Variants in MARCHF1 observed in about 807,000 individuals in gnomAD.
MARCHF1 encodes E3 ubiquitin-protein ligase MARCHF1.
A neutral mutation model predicts 54.2 loss-of-function variants in MARCHF1; 40 were observed. The observed-to-expected ratio is 0.74, with a 90% confidence interval of 0.57 to 0.96. The LOEUF (loss-of-function observed/expected upper bound fraction) is 0.96. Among genes scored for constraint, MARCHF1 ranks in the 40% least tolerant of loss-of-function variants. MARCHF1 has a pLI of 0.00. For synonymous variants in MARCHF1, 236 were observed against 236.3 expected (o/e 1.00, Z 0.01); for missense variants, 586 against 656.5 (o/e 0.89, Z 1.17).
chr4:164,107,131 A>G (rs1021256681), intron 2 of MARCHF1, among the ~76,000 whole-genome samples: 14 of 152,190 alleles, frequency 9.2e-5, no homozygotes, highest in Non-Finnish European at 5.9e-5. Context: ...CTAAAATGCT[A>G]TAACTCTCTC....
chr4:164,031,626 A>T (rs562893562), intron 2 of MARCHF1, among the ~76,000 whole-genome samples: 2 of 152,070 alleles, frequency 1.3e-5, no homozygotes, highest in South Asian at 2.1e-4. Flanking sequence ...TATGTGACGG[A>T]TTATGTCTAT....
At chr4:164,189,165 G>T in intron 1 of MARCHF1, 1 of 578,614 alleles carries the variant, frequency 1.7e-6, no homozygotes, top group South Asian at 1.9e-5. Flanking sequence ...AGCGTGTCAT[G>T]GAACATTTCA....
At chr4:163,558,090 T>A (rs1300299781) in intron 8 of MARCHF1, among the ~76,000 whole-genome samples, 1 of 152,136 alleles carries the variant, frequency 6.6e-6, no homozygotes, top group Non-Finnish European at 1.5e-5. Context: ...TAGAGATTTG[T>A]CTGAAGAAAC....
chr4:163,847,192 CAAAAG>C (rs1210811081), intron 4 of MARCHF1, among the ~76,000 whole-genome samples: 4 of 152,108 alleles, frequency 2.6e-5, no homozygotes, highest in African/African-American at 9.7e-5. Flanking sequence ...TTCTAAAAGT[CAAAAG>C]AAAAGTATAT....
At chr4:163,562,254 G>T (rs1373130895) in intron 8 of MARCHF1, among the ~76,000 whole-genome samples, 2 of 151,966 alleles carry the variant, frequency 1.3e-5, no homozygotes, top group African/African-American at 4.8e-5. Flanking sequence ...CAGAGATCGC[G>T]CCACTGCACT....
intron 3 of MARCHF1, among the ~76,000 whole-genome samples, chr4:163,959,704 T>C (rs992977618): frequency 6.6e-6 from 1 of 151,894 alleles, no homozygotes; most frequent in African/African-American, 2.4e-5. Flanking sequence ...TCTAAAAATA[T>C]AAAAACCTTG....
chr4:163,691,683 A>G (rs1404296672), intron 5 of MARCHF1, among the ~76,000 whole-genome samples: 2 of 152,158 alleles, frequency 1.3e-5, no homozygotes, highest in Non-Finnish European at 2.9e-5. Flanking sequence ...TAAGTTTCCT[A>G]CAAACTGTAA....
At chr4:163,843,539 T>C (rs1749399187) in intron 4 of MARCHF1, among the ~76,000 whole-genome samples, 1 of 150,644 alleles carries the variant, frequency 6.6e-6, no homozygotes, top group Non-Finnish European at 1.5e-5. Context: ...TTTTTTTTAA[T>C]TATTATTTTT....
intron 2 of MARCHF1, among the ~76,000 whole-genome samples, chr4:164,063,972 T>C (rs867658325): frequency 8.5e-5 from 13 of 152,120 alleles, no homozygotes; most frequent in Admixed American, 2.6e-4. Context: ...GATAGTTGTA[T>C]GTGTGTGGTC....
At chr4:164,241,795 C>A (rs963510601) in intron 1 of MARCHF1, among the ~76,000 whole-genome samples, 3 of 152,140 alleles carry the variant, frequency 2.0e-5, no homozygotes, top group East Asian at 1.9e-4. Context: ...CGAAGCAGGG[C>A]GAGGCATTGC....
At chr4:163,833,466 C>T (rs1749089158) in intron 4 of MARCHF1, among the ~76,000 whole-genome samples, 1 of 152,200 alleles carries the variant, frequency 6.6e-6, no homozygotes, top group African/African-American at 2.4e-5. Flanking sequence ...GCAACCTACT[C>T]ATCTGACAAA....
At chr4:163,885,991 A>G (rs954324914) in intron 3 of MARCHF1, among the ~76,000 whole-genome samples, 22 of 147,120 alleles carry the variant, frequency 1.5e-4, no homozygotes, top group Admixed American at 1.2e-3. Flanking sequence ...AGATAAATAG[A>G]TACTACAGGA....
At chr4:164,373,151 A>G (rs1561023796) in intron 1 of MARCHF1, among the ~76,000 whole-genome samples, 1 of 152,128 alleles carries the variant, frequency 6.6e-6, no homozygotes, top group African/African-American at 2.4e-5. Flanking sequence ...AGAAAATACT[A>G]TCATCTGCAT....
At chr4:163,835,645 T>G (rs1346050087) in intron 4 of MARCHF1, among the ~76,000 whole-genome samples, 1 of 152,226 alleles carries the variant, frequency 6.6e-6, no homozygotes, top group East Asian at 1.9e-4. Context: ...GTGCTGCAAT[T>G]TCAGAGTTTA....
chr4:164,122,811 C>T lies in MARCHF1; in HGVS notation c.-322-11149G>A, dbSNP rs564598513. Among the ~76,000 whole-genome samples the T allele has an allele frequency of 7.2e-5, 11 of 152,092 alleles. 1 individual carries two copies. The highest frequency in any genetic ancestry group is 1.5e-5 in the Non-Finnish European group (1 of 68,010). On this transcript the variant is annotated intron_variant, in intron 1 of 9. Coordinates refer to ENST00000514618, the MANE Select transcript of MARCHF1 (RefSeq NM_001394959.1). ...AGACAACATAGCCTCTTCAACAGAC[C>T]TACAGCAAGTATCGTACTGAGTAGT... is the stretch of plus-strand genomic sequence containing the variant.
intron 4 of MARCHF1, among the ~76,000 whole-genome samples, chr4:163,709,124 T>C (rs1745032625): frequency 6.6e-6 from 1 of 152,170 alleles, no homozygotes; most frequent in African/African-American, 2.4e-5. Context: ...AGATGTATGT[T>C]TGACTGAGCA....
At chr4:164,301,661 A>G (rs756583335) in intron 1 of MARCHF1, among the ~76,000 whole-genome samples, 10 of 152,198 alleles carry the variant, frequency 6.6e-5, no homozygotes, top group Non-Finnish European at 1.2e-4. Flanking sequence ...AATTTATTGA[A>G]TTCATATATT....
At chr4:163,816,028 G>A (rs931909336) in intron 4 of MARCHF1, among the ~76,000 whole-genome samples, 2 of 152,058 alleles carry the variant, frequency 1.3e-5, no homozygotes, top group Admixed American at 1.3e-4. Context: ...TTGTTTCTAT[G>A]GGTTACCAGA....
At position 163,831,885 on chromosome 4, in the gene MARCHF1, G is replaced by A. The variant is rs116782623; in HGVS notation, c.111+22136C>T. On this transcript the variant is annotated intron_variant, in intron 4 of 9. Transcript: ENST00000514618. ...CATGACTAGTGGATAGGGAGCTTGAGTGAGAAGGTCCTCATACATGCACCA... is the reference window on the plus strand; with the variant it reads ...CATGACTAGTGGATAGGGAGCTTGAATGAGAAGGTCCTCATACATGCACCA... 6.3e-3 allele frequency among the ~76,000 whole-genome samples: 956 copies of A among 152,300 alleles called. 7 individuals carry two copies. Among genetic ancestry groups the A allele is most frequent in the African/African-American group, 0.021 (865 of 41,562 alleles).
Sources: allele counts gnomAD v4.1 joint callset (sites outside exome capture counted in the v4.1 genomes callset), GRCh38; gene constraint gnomAD v4.1.1; transcripts MANE v1.5; gene names NCBI Gene and HGNC (gene_info 2026-07-23, HGNC 2026-07-21).